IGFL2: variants seen among roughly 807,000 people sequenced by gnomAD.
The protein encoded by IGFL2 is insulin growth factor-like family member 2.
IGFL2 carries 7 observed loss-of-function variants against 13.9 expected under a neutral mutation model. The observed-to-expected ratio is 0.51, with a 90% CI of 0.29 to 0.95. The LOEUF is 0.95. Ranked by LOEUF, IGFL2 falls within the 40% of genes least tolerant of loss-of-function variation. The pLI, the probability that IGFL2 is intolerant of heterozygous loss-of-function variation, is 0.08. For missense variants in IGFL2, 138 were observed against 147.8 expected (o/e 0.93, Z 0.34); for synonymous variants, 55 against 55.8 (o/e 0.99, Z 0.07).
the IGFL2 span, among the ~76,000 whole-genome samples, chr19:46,202,068 A>T: frequency 1.3e-5 from 2 of 151,914 alleles, no homozygotes; most frequent in African/African-American, 4.8e-5. Flanking sequence ...AGGAGGGGAG[A>T]GGTCGGATGA....
the IGFL2 span, among the ~76,000 whole-genome samples, chr19:46,201,556 C>T: frequency 6.6e-6 from 1 of 152,208 alleles, no homozygotes; most frequent in South Asian, 2.1e-4. Context: ...CTCTCTGAGT[C>T]ATCAAGGCCT....
chr19:46,167,951 T>C, the IGFL2 span, among the ~76,000 whole-genome samples: 1 of 152,210 alleles, frequency 6.6e-6, no homozygotes, highest in African/African-American at 2.4e-5. Context: ...ACTTCTGTTG[T>C]TTAAGCCACC....
chr19:46,200,154 AT>A, the IGFL2 span, among the ~76,000 whole-genome samples: 1 of 146,116 alleles, frequency 6.8e-6, no homozygotes, highest in African/African-American at 2.5e-5. Flanking sequence ...ACCTGCCCTA[AT>A]TTTTTTTAAT....
chr19:46,136,787 T>G, the IGFL2 span: 1 of 657,264 alleles, frequency 1.5e-6, no homozygotes, highest in Admixed American at 1.8e-5. Flanking sequence ...CTCCAACCCG[T>G]TTGAGTGCAA....
At chr19:46,181,410 C>T in the IGFL2 span, 2 of 152,182 alleles carry the variant, frequency 1.3e-5, no homozygotes, top group East Asian at 1.9e-4. Flanking sequence ...AATGACCTGC[C>T]ATCACTTAAC....
the IGFL2 span, among the ~76,000 whole-genome samples, chr19:46,192,702 A>C: frequency 6.6e-6 from 1 of 152,054 alleles, no homozygotes; most frequent in African/African-American, 2.4e-5. Flanking sequence ...TACAGGTGTG[A>C]GCCACTGCAC....
At chr19:46,197,025 T>C in the IGFL2 span, 1 of 219,532 alleles carries the variant, frequency 4.6e-6, no homozygotes. Flanking sequence ...TCTCCTCCAG[T>C]GGCCCCCATG....
chr19:46,169,325 A>G, the IGFL2 span, among the ~76,000 whole-genome samples: 256 of 152,380 alleles, frequency 1.7e-3, 1 homozygote, highest in African/African-American at 5.8e-3. Context: ...ACCTGAAGAC[A>G]GTAGAAATAT....
At chr19:46,137,747 C>A in the IGFL2 span, among the ~76,000 whole-genome samples, 1 of 152,304 alleles carries the variant, frequency 6.6e-6, no homozygotes, top group Non-Finnish European at 1.5e-5. Context: ...TTTTGTCTGA[C>A]TGAGTTGATT....
the IGFL2 span, among the ~76,000 whole-genome samples, chr19:46,127,156 T>C: frequency 8.4e-4 from 128 of 152,092 alleles, 2 homozygotes; most frequent in Middle Eastern, 0.017. Flanking sequence ...GAGGCTGAGG[T>C]GGGAGAACAG....
the IGFL2 span, among the ~76,000 whole-genome samples, chr19:46,119,281 A>G: frequency 6.6e-6 from 1 of 152,148 alleles, no homozygotes. Flanking sequence ...CTGCCAACTG[A>G]TCGCATCTTC....
the IGFL2 span, among the ~76,000 whole-genome samples, chr19:46,102,645 C>T: frequency 3.8e-4 from 58 of 152,262 alleles, 1 homozygote; most frequent in South Asian, 6.2e-3. Context: ...AAGGCAGGAA[C>T]TGGCTGTTTT....
chr19:46,145,589 C>T (rs1394496338), upstream of IGFL2, among the ~76,000 whole-genome samples: 3 of 136,490 alleles, frequency 2.2e-5, no homozygotes, highest in East Asian at 4.0e-4. Flanking sequence ...ATTAAGGACA[C>T]ACTCATATAT....
chr19:46,081,384 T>C, the IGFL2 span, among the ~76,000 whole-genome samples: 1 of 152,248 alleles, frequency 6.6e-6, no homozygotes, highest in African/African-American at 2.4e-5. Context: ...AATAAAATTA[T>C]TGAAACCAGA....
At chr19:46,160,955 A>G in intron 3 of IGFL2, 74 bp downstream of exon 3, 11 of 1,576,396 alleles carry the variant, frequency 7.0e-6, no homozygotes, top group South Asian at 3.3e-5. Flanking sequence ...AGATGTCTTC[A>G]TCACTCCTTT....
intron 1 of IGFL2, among the ~76,000 whole-genome samples, chr19:46,156,581 C>G (rs1308182493): frequency 1.3e-5 from 2 of 151,956 alleles, no homozygotes; most frequent in South Asian, 2.1e-4. Flanking sequence ...ATTTTTAAAA[C>G]TATATTTAAC....
chr19:46,157,620 G>A (rs928237843), intron 1 of IGFL2, among the ~76,000 whole-genome samples: 2 of 152,098 alleles, frequency 1.3e-5, no homozygotes, highest in East Asian at 3.8e-4. Flanking sequence ...ACAGGAATAG[G>A]GGGAATTTCC....
At chr19:46,155,167 G>A (rs1459206501) in intron 1 of IGFL2, among the ~76,000 whole-genome samples, 1 of 152,218 alleles carries the variant, frequency 6.6e-6, no homozygotes, top group Non-Finnish European at 1.5e-5. Flanking sequence ...CATGCTAGGA[G>A]GAGGGGCTGG....
At chr19:46,193,649 C>T in the IGFL2 span, among the ~76,000 whole-genome samples, 1 of 152,142 alleles carries the variant, frequency 6.6e-6, no homozygotes, top group Non-Finnish European at 1.5e-5. Context: ...TGAAATTGAG[C>T]AGGAAGAAAC....
Sources: gnomAD v4.1 joint callset for allele counts (sites outside exome capture counted in the v4.1 genomes callset) on GRCh38, gnomAD v4.1.1 for gene constraint, MANE v1.5 for transcripts, NCBI Gene and HGNC (gene_info 2026-07-23, HGNC 2026-07-21) for gene names.